The following SLC5A8 variants were observed in gnomAD, a reference collection of about 807,000 sequenced individuals.
SLC5A8 encodes the protein sodium-coupled monocarboxylate transporter 1.
Under a neutral mutation model 71.9 loss-of-function variants are expected in SLC5A8, and 55 were observed. The ratio of observed to expected loss-of-function variants is 0.77; its 90% CI spans 0.62 to 0.96. SLC5A8 has a LOEUF of 0.96. Ranked by LOEUF, SLC5A8 falls within the 40% of genes least tolerant of loss-of-function variation. SLC5A8 has a pLI of 0.00. For synonymous variants in SLC5A8, 307 were observed against 276.1 expected (o/e 1.11, Z -1.11); for missense variants, 701 against 745.3 (o/e 0.94, Z 0.69).
chr12:101,186,497 G>T (rs778988877), intron 7 of SLC5A8, among the ~76,000 whole-genome samples: 3 of 152,202 alleles, frequency 2.0e-5, no homozygotes, highest in Non-Finnish European at 2.9e-5. Context: ...AAGAACTCAG[G>T]CTTTAGGGTT....
chr12:101,183,036 T>A (rs1330259539), intron 8 of SLC5A8, 121 bp from the exon 9 acceptor site: 3 of 113,716 alleles, frequency 2.6e-5, no homozygotes, highest in Admixed American at 1.2e-4. Flanking sequence ...TCTACTATGC[T>A]TTTTTTTTTT....
At chr12:101,209,396 C>T (rs1869816058) in intron 1 of SLC5A8, 102 bp downstream of exon 1, 4 of 818,084 alleles carry the variant, frequency 4.9e-6, no homozygotes, top group Non-Finnish European at 7.5e-6. Flanking sequence ...GGAGAGATTT[C>T]GATGTGGCAG....
rs1045444928 is a variant in SLC5A8 at position 101,168,326 on chromosome 12, A to C, written c.1234-144T>G. On this transcript the variant is annotated intron_variant, in intron 10 of 14. Coordinates refer to ENST00000536262, the MANE Select transcript of SLC5A8 (RefSeq NM_145913.5). ...TCAGTCATGATAGCCTTATCACTGG[A>C]AAAGAAGTCATTAGAACTTACAAGT... is the stretch of plus-strand genomic sequence containing the variant. 6.6e-6 allele frequency: 5 copies of C among 758,306 alleles called. No homozygotes were observed. In the African/African-American group the frequency reaches 8.9e-5, roughly 14 times the overall value. 47.0% of individuals were successfully genotyped at this position (758,306 alleles called of 1,614,324 possible). A position where few individuals can be genotyped will look rare whatever the true frequency, so the allele number is the denominator to read the frequency against.
chr12:101,177,988 T>C (rs1452952687), intron 10 of SLC5A8, among the ~76,000 whole-genome samples: 1 of 152,062 alleles, frequency 6.6e-6, no homozygotes, highest in African/African-American at 2.4e-5. Flanking sequence ...TCAAGGAATA[T>C]AACAAAACAA....
chr12:101,201,564 A>C (rs189713499), intron 3 of SLC5A8, among the ~76,000 whole-genome samples: 1 of 152,350 alleles, frequency 6.6e-6, no homozygotes. Context: ...TCAATAAACT[A>C]TCCCAGCCTC....
rs189181302 is a variant in SLC5A8, at chr12:101,194,641, A to T, written c.537+454T>A. ...CCACCATGCCTCCTAATTTTAAAAA[A>T]TTTTTTTTGTTTTTTTGTAGAGACA... On this transcript the variant is annotated intron_variant, in intron 4 of 14. Transcript: ENST00000536262. Among the ~76,000 whole-genome samples the T allele has an allele frequency of 2.7e-3, 404 of 151,872 alleles. 3 individuals carry two copies. Among genetic ancestry groups the T allele is most frequent in the African/African-American group, 8.2e-3 (340 of 41,420 alleles).
intron 10 of SLC5A8, among the ~76,000 whole-genome samples, chr12:101,173,348 C>A (rs1234964643): frequency 6.6e-6 from 1 of 152,130 alleles, no homozygotes; most frequent in Non-Finnish European, 1.5e-5. Flanking sequence ...TCTTCATGGA[C>A]CATATGGTGT....
At chr12:101,173,448 C>G (rs902947060) in intron 10 of SLC5A8, among the ~76,000 whole-genome samples, 1 of 152,174 alleles carries the variant, frequency 6.6e-6, no homozygotes, top group Non-Finnish European at 1.5e-5. Context: ...GTGGTGTGGC[C>G]AGCGGTAAGC....
At chr12:101,195,886 C>T (rs1469594610) in intron 3 of SLC5A8, among the ~76,000 whole-genome samples, 1 of 151,710 alleles carries the variant, frequency 6.6e-6, no homozygotes, top group South Asian at 2.1e-4. Flanking sequence ...TTAGTAGAGA[C>T]GGGTTTCACC....
At chr12:101,181,515 C>A (rs1868368201) in intron 9 of SLC5A8, among the ~76,000 whole-genome samples, 2 of 152,228 alleles carry the variant, frequency 1.3e-5, no homozygotes, top group South Asian at 4.1e-4. Context: ...GAGCACCAGC[C>A]AGTGCCTCCC....
chr12:101,162,392 G>A (rs959198098), intron 12 of SLC5A8, among the ~76,000 whole-genome samples: 1 of 152,136 alleles, frequency 6.6e-6, no homozygotes, highest in Non-Finnish European at 1.5e-5. Flanking sequence ...CCACTACTGG[G>A]TATACATCCA....
intron 8 of SLC5A8, among the ~76,000 whole-genome samples, chr12:101,183,650 C>A (rs896743468): frequency 6.6e-6 from 1 of 152,108 alleles, no homozygotes; most frequent in African/African-American, 2.4e-5. Flanking sequence ...ACACACTGTA[C>A]ATGTTGATAA....
intron 5 of SLC5A8, among the ~76,000 whole-genome samples, chr12:101,192,085 G>A (rs76024710): frequency 0.015 from 2,238 of 152,124 alleles, 61 homozygotes; most frequent in African/African-American, 0.052. Context: ...TCCCTGTTCT[G>A]GTAAAAGCAA....
In SLC5A8 at chr12:101,157,340, G is replaced by T. The variant is rs1199811771; in HGVS notation, c.1772C>A (p.Ala591Asp). The T allele has an allele frequency of 6.2e-7, 1 of 1,613,132 alleles. No homozygotes were observed. The highest frequency in any genetic ancestry group is 8.5e-7 in the Non-Finnish European group (1 of 1,179,644). Residue 591 changes from alanine (A) to aspartate (D), a missense_variant, in exon 15 of 15, where the codon GCT (alanine) becomes GAT (aspartate). Physicochemically the swap from Ala to Asp is moderately radical, Grantham distance 126. Transcript: ENST00000536262. ...PVEDGGTDNP[A>D]FNHIELNSDQ... ...TGAGTTCAATTCAATGTGGTTGAAA[G>T]CAGGATTATCAGTTCCACCATCTTC...
At chr12:101,183,098 T>A (rs1312106966) in intron 8 of SLC5A8, among the ~76,000 whole-genome samples, 183 bp from the exon 9 acceptor site, 1 of 128,884 alleles carries the variant, frequency 7.8e-6, no homozygotes, top group Non-Finnish European at 1.5e-5. Flanking sequence ...CAGGCTGGAG[T>A]GCAATGGCAT....
At chr12:101,168,043 T>C in intron 11 of SLC5A8, 53 bp downstream of exon 11, 1 of 1,494,690 alleles carries the variant, frequency 6.7e-7, no homozygotes, top group Non-Finnish European at 9.1e-7. Flanking sequence ...AGTGTAGAGC[T>C]GCTAGTATAG....
chr12:101,169,332 T>C (rs1405909084), intron 10 of SLC5A8, among the ~76,000 whole-genome samples: 2 of 152,204 alleles, frequency 1.3e-5, no homozygotes, highest in African/African-American at 4.8e-5. Context: ...TCATTGTATA[T>C]AATCAGGCCA....
intron 6 of SLC5A8, among the ~76,000 whole-genome samples, chr12:101,187,814 C>T (rs1868725667): frequency 6.6e-6 from 1 of 152,188 alleles, no homozygotes; most frequent in African/African-American, 2.4e-5. Flanking sequence ...AGTTATACTA[C>T]TTCAGGTCTT....
At position 101,180,059 on chromosome 12, in the gene SLC5A8, C is replaced by T. The variant is rs139190946; in HGVS notation, c.1203G>A (p.Ala401=). The change falls in exon 10 of 15, where the codon GCG becomes GCA. Residue 401 remains alanine (A), a synonymous_variant. Transcript: ENST00000536262. Reference sequence around the variant, plus strand: ...ACAAAGCTCCCATAAGTGACGCCAGCGCAGCCATTCCAATACACAGGGCTC... The same window carrying T: ...ACAAAGCTCCCATAAGTGACGCCAGTGCAGCCATTCCAATACACAGGGCTC... ...VYGALCIGMA[A]LASLMGALLQ... 2.7e-4 allele frequency: 433 copies of T among 1,613,876 alleles called. No homozygotes were observed. The highest frequency in any genetic ancestry group is 3.1e-4 in the Non-Finnish European group (370 of 1,179,962).
Sources: gnomAD v4.1 joint callset for allele counts (sites outside exome capture counted in the v4.1 genomes callset) on GRCh38, gnomAD v4.1.1 for gene constraint, MANE v1.5 for transcripts, NCBI Gene and HGNC (gene_info 2026-07-23, HGNC 2026-07-21) for gene names.